Variants in EFCAB6 observed in about 807,000 individuals in gnomAD.
EFCAB6 encodes the protein EF-hand calcium-binding domain-containing protein 6.
A neutral mutation model predicts 169.8 loss-of-function variants in EFCAB6; 156 were observed. That is an observed-to-expected ratio of 0.92 (90% CI 0.81 to 1.05). The LOEUF (loss-of-function observed/expected upper bound fraction) is 1.05. EFCAB6 is among the 50% of genes least tolerant of loss of function. EFCAB6 has a pLI of 0.00. For synonymous variants in EFCAB6, 698 were observed against 676.4 expected, an observed-to-expected ratio of 1.03 and a Z score of -0.50; for missense variants, 1,800 against 1,829.1, an observed-to-expected ratio of 0.98 and a Z score of 0.29.
At chr22:43,595,458 A>C (rs1337179670) in intron 23 of EFCAB6, among the ~76,000 whole-genome samples, 1 of 152,138 alleles carries the variant, frequency 6.6e-6, no homozygotes, top group Non-Finnish European at 1.5e-5. Flanking sequence ...ACAGAAATAG[A>C]AAATATCATT....
intron 23 of EFCAB6, among the ~76,000 whole-genome samples, chr22:43,599,736 A>T (rs2052351955): frequency 6.6e-6 from 1 of 152,096 alleles, no homozygotes; most frequent in East Asian, 1.9e-4. Context: ...AAAGTGACAG[A>T]CATCCCTATT....
At chr22:43,702,054 A>G (rs759113969) in intron 10 of EFCAB6, among the ~76,000 whole-genome samples, 6 of 152,214 alleles carry the variant, frequency 3.9e-5, no homozygotes, top group Non-Finnish European at 8.8e-5. Context: ...GCCCAGGTAC[A>G]TGGGAAGGTC....
At chr22:43,719,781 T>C (rs1159920549) in intron 8 of EFCAB6, among the ~76,000 whole-genome samples, 1 of 152,228 alleles carries the variant, frequency 6.6e-6, no homozygotes, top group Non-Finnish European at 1.5e-5. Context: ...ATAGAGGTAC[T>C]TGCCTGGCAC....
intron 17 of EFCAB6, among the ~76,000 whole-genome samples, chr22:43,646,157 G>A (rs908631251): frequency 3.3e-5 from 5 of 152,160 alleles, no homozygotes; most frequent in Non-Finnish European, 7.3e-5. Flanking sequence ...TCGTTCAAAG[G>A]GTAAGTGGGA....
intron 7 of EFCAB6, among the ~76,000 whole-genome samples, chr22:43,734,661 C>T (rs939155095): frequency 6.6e-6 from 1 of 151,890 alleles, no homozygotes; most frequent in African/African-American, 2.4e-5. Context: ...ATTCTGGACA[C>T]TTTCCCAGCC....
chr22:43,786,878 T>C (rs2062098289), intron 2 of EFCAB6, among the ~76,000 whole-genome samples: 1 of 152,072 alleles, frequency 6.6e-6, no homozygotes, highest in African/African-American at 2.4e-5. Context: ...GCAAAATTTA[T>C]GCTAGGAATG....
At chr22:43,580,363 G>T in intron 25 of EFCAB6, 101 bp downstream of exon 25, 1 of 1,285,426 alleles carries the variant, frequency 7.8e-7, no homozygotes. Flanking sequence ...GACACCCCAA[G>T]GAGAATGAAC....
At chr22:43,609,267 A>T (rs960536866) in intron 21 of EFCAB6, among the ~76,000 whole-genome samples, 8 of 152,240 alleles carry the variant, frequency 5.3e-5, no homozygotes, top group African/African-American at 7.2e-5. Flanking sequence ...ATCAGGAACA[A>T]AGTGAGAATA....
intron 27 of EFCAB6, among the ~76,000 whole-genome samples, chr22:43,543,015 G>A (rs887592237): frequency 3.9e-5 from 6 of 152,118 alleles, no homozygotes; most frequent in South Asian, 2.1e-4. Context: ...CTCTGCTTAC[G>A]ATGTAGAAAA....
intron 6 of EFCAB6, among the ~76,000 whole-genome samples, chr22:43,749,654 C>G (rs78069024): frequency 6.6e-6 from 1 of 151,868 alleles, no homozygotes; most frequent in Non-Finnish European, 1.5e-5. Context: ...ATTTGCCCAC[C>G]GCTCACCTCC....
chr22:43,531,100 CGAG>C, intron 30 of EFCAB6, 136 bp from the exon 31 acceptor site: 10 of 1,184,146 alleles, frequency 8.4e-6, no homozygotes, highest in Non-Finnish European at 1.2e-5. Flanking sequence ...GGCTCTGAAT[CGAG>C]GAGGGAGCCT....
intron 5 of EFCAB6, chr22:43,759,974 G>T (rs959253016): frequency 6.6e-6 from 1 of 152,196 alleles, no homozygotes; most frequent in Non-Finnish European, 1.5e-5. Context: ...GGAGGCTGAG[G>T]TGGGCGCATC....
chr22:43,775,775 G>A (rs543745077), intron 3 of EFCAB6, among the ~76,000 whole-genome samples: 4 of 152,344 alleles, frequency 2.6e-5, no homozygotes, highest in Admixed American at 2.0e-4. Flanking sequence ...CTCACACACA[G>A]ACACCACTTG....
At chr22:43,606,679 A>G (rs1460159176) in intron 22 of EFCAB6, among the ~76,000 whole-genome samples, 1 of 152,220 alleles carries the variant, frequency 6.6e-6, no homozygotes, top group Non-Finnish European at 1.5e-5. Flanking sequence ...ACCACTCACC[A>G]TGTGTGGCAT....
At chr22:43,672,383 G>C in intron 13 of EFCAB6, 78 bp from the exon 14 acceptor site, 1 of 1,485,332 alleles carries the variant, frequency 6.7e-7, no homozygotes, top group Non-Finnish European at 9.3e-7. Flanking sequence ...GGTGGACCTG[G>C]ACTGGAATCC....
At chr22:43,701,446 G>T (rs1569413755) in intron 10 of EFCAB6, among the ~76,000 whole-genome samples, 1 of 152,144 alleles carries the variant, frequency 6.6e-6, no homozygotes, top group South Asian at 2.1e-4. Context: ...AAATATAAAA[G>T]AAAATAAAAA....
intron 17 of EFCAB6, among the ~76,000 whole-genome samples, chr22:43,656,647 G>A (rs1057245631): frequency 1.3e-5 from 2 of 152,172 alleles, no homozygotes; most frequent in African/African-American, 4.8e-5. Context: ...ATACCATGCT[G>A]TACAGATCTG....
chr22:43,627,734 A>G (rs952848526), intron 19 of EFCAB6, among the ~76,000 whole-genome samples: 4 of 152,102 alleles, frequency 2.6e-5, no homozygotes, highest in African/African-American at 4.8e-5. Context: ...CTCTGGCGGC[A>G]TTGCGCTTGT....
At chr22:43,808,397 G>A (rs531271139) in intron 2 of EFCAB6, among the ~76,000 whole-genome samples, 6 of 152,104 alleles carry the variant, frequency 3.9e-5, no homozygotes, top group South Asian at 4.2e-4. Flanking sequence ...ACATGGAATC[G>A]CGGTCCATGT....
Sources: allele counts gnomAD v4.1 joint callset (sites outside exome capture counted in the v4.1 genomes callset), GRCh38; gene constraint gnomAD v4.1.1; transcripts MANE v1.5; gene names NCBI Gene and HGNC (gene_info 2026-07-23, HGNC 2026-07-21).